Variants in ARMC2 observed in about 807,000 individuals in gnomAD.
The protein encoded by ARMC2 is armadillo repeat containing 2.
A neutral mutation model predicts 90.3 loss-of-function variants in ARMC2; 67 were observed. The ratio of observed to expected loss-of-function variants is 0.74; its 90% CI spans 0.61 to 0.91. The LOEUF is 0.91. Ranked by LOEUF, ARMC2 falls within the 40% of genes least tolerant of loss-of-function variation. The probability of loss-of-function intolerance (pLI) is 0.00; values close to 1 mark genes in which losing one functional copy is unlikely to be tolerated. For missense variants in ARMC2, 920 were observed against 1,030.9 expected (o/e 0.89, Z 1.47); for synonymous variants, 393 against 393.0 (o/e 1.00, Z 0.00).
chr6:109,003,896 TCCC>T, the ARMC2 span, among the ~76,000 whole-genome samples: 1 of 152,216 alleles, frequency 6.6e-6, no homozygotes, highest in Admixed American at 6.5e-5. Context: ...TTAACATTTA[TCCC>T]CTCTAATTTC....
chr6:108,947,656 A>G (rs1466896828), intron 12 of ARMC2, among the ~76,000 whole-genome samples: 1 of 152,172 alleles, frequency 6.6e-6, no homozygotes, highest in Admixed American at 6.5e-5. Flanking sequence ...TGCGAAACTA[A>G]TGACAATATC....
In ARMC2 at chr6:108,953,247, T is replaced by G; in HGVS notation, c.1811T>G (p.Leu604Arg). ...CCGCCGTCAGAGGCAGAGGACGTGC[T>G]CATCAAGCTGACTCGTGTGCTGGCC... ...QRPPSEAEDV[L>R]IKLTRVLANI... The change falls in exon 13 of 18, where the codon CTC becomes CGC. Residue 604 changes from leucine (L) to arginine (R), a missense_variant. Leu to Arg is a moderately radical substitution (Grantham distance 102, BLOSUM62 -2). Coordinates refer to ENST00000392644, the MANE Select transcript of ARMC2 (RefSeq NM_032131.6). The G allele has an allele frequency of 1.9e-6, 3 of 1,613,662 alleles. No individual in the cohort carries two copies. The South Asian group carries it at 3.3e-5, about 18-fold the overall frequency.
the ARMC2 span, chr6:109,002,179 ATGT>A: frequency 2.2e-4 from 223 of 1,018,126 alleles, no homozygotes; most frequent in African/African-American, 3.2e-3. Context: ...TGACTAAAAC[ATGT>A]TGTTGACCAA....
chr6:108,856,993 A>G (rs541116568), intron 2 of ARMC2, among the ~76,000 whole-genome samples: 4 of 152,290 alleles, frequency 2.6e-5, no homozygotes, highest in African/African-American at 7.2e-5. Context: ...TCTTAAAGTC[A>G]GGGAGTGTCA....
chr6:108,871,999 T>A (rs1258511094), intron 4 of ARMC2, among the ~76,000 whole-genome samples: 2 of 152,220 alleles, frequency 1.3e-5, no homozygotes, highest in African/African-American at 4.8e-5. Context: ...ATAAAAAATA[T>A]TTGAGCTCTC....
At chr6:108,946,741 T>A (rs956996675) in intron 12 of ARMC2, among the ~76,000 whole-genome samples, 2 of 152,260 alleles carry the variant, frequency 1.3e-5, no homozygotes, top group African/African-American at 4.8e-5. Context: ...CAAATTTTTC[T>A]AAAATGTGTT....
intron 4 of ARMC2, among the ~76,000 whole-genome samples, chr6:108,869,617 G>T (rs926534663): frequency 1.3e-5 from 2 of 152,154 alleles, no homozygotes; most frequent in African/African-American, 4.8e-5. Flanking sequence ...AATTTTATTA[G>T]AAATTAATGA....
At chr6:108,858,404 T>A in intron 3 of ARMC2, 133 bp downstream of exon 3, 1 of 498,370 alleles carries the variant, frequency 2.0e-6, no homozygotes, top group Non-Finnish European at 3.4e-6. Flanking sequence ...TAATTTAATA[T>A]GAAAACAGAT....
In ARMC2 at chr6:108,953,316, A is replaced by G; in HGVS notation, c.1880A>G (p.Asn627Ser). 6.2e-7 allele frequency: 1 copy of G among 1,608,666 alleles called. No homozygotes were observed. Among genetic ancestry groups the G allele is most frequent in the Non-Finnish European group, 8.5e-7 (1 of 1,179,070 alleles). ...HPGVGPVLAA[N>S]PGIVGLLLTT... ...GGCGTGGGCCCGGTGCTGGCCGCCA[A>G]CCCGGGGATAGTGGGCCTGCTCCTG... Residue 627 changes from asparagine (N) to serine (S), a missense_variant, in exon 13 of 18, where the codon AAC becomes AGC. Transcript: ENST00000392644.
chr6:109,037,384 C>G, the ARMC2 span, among the ~76,000 whole-genome samples: 1 of 152,168 alleles, frequency 6.6e-6, no homozygotes, highest in Non-Finnish European at 1.5e-5. Context: ...AACCATAACA[C>G]TCCACTAATT....
At chr6:108,882,301 T>C (rs1344578400) in intron 5 of ARMC2, among the ~76,000 whole-genome samples, 2 of 151,900 alleles carry the variant, frequency 1.3e-5, no homozygotes, top group African/African-American at 4.8e-5. Flanking sequence ...TAGCTGGGCA[T>C]AGTGACAGGC....
chr6:108,947,974 T>C (rs910246302), intron 12 of ARMC2, among the ~76,000 whole-genome samples: 3 of 152,222 alleles, frequency 2.0e-5, no homozygotes, highest in African/African-American at 7.2e-5. Context: ...TTCTCAGATA[T>C]TGTCTAAGAA....
At chr6:108,857,209 A>G (rs1478309649) in intron 2 of ARMC2, among the ~76,000 whole-genome samples, 1 of 152,134 alleles carries the variant, frequency 6.6e-6, no homozygotes, top group African/African-American at 2.4e-5. Flanking sequence ...AAAATGGACG[A>G]TCTCTTCATT....
intron 5 of ARMC2, among the ~76,000 whole-genome samples, chr6:108,884,830 T>C (rs1036339488): frequency 7.2e-5 from 11 of 152,048 alleles, no homozygotes; most frequent in African/African-American, 2.2e-4. Flanking sequence ...AAGGAAGCCA[T>C]TGGGAAGCTG....
chr6:108,914,634 C>T (rs1466193614), intron 10 of ARMC2, among the ~76,000 whole-genome samples: 4 of 152,192 alleles, frequency 2.6e-5, no homozygotes, highest in African/African-American at 9.7e-5. Context: ...TCAACTGTAT[C>T]ACTGTTTGTG....
chr6:108,954,966 T>C (rs1166914923), intron 13 of ARMC2, among the ~76,000 whole-genome samples: 7 of 152,228 alleles, frequency 4.6e-5, no homozygotes, highest in Non-Finnish European at 4.4e-5. Flanking sequence ...CTCCCCTTCC[T>C]GGCATGTGGT....
chr6:108,945,204 A>G (rs1288210349), intron 12 of ARMC2, among the ~76,000 whole-genome samples: 1 of 152,066 alleles, frequency 6.6e-6, no homozygotes, highest in Non-Finnish European at 1.5e-5. Context: ...TGGGGTTGCT[A>G]TCAGCCTTTG....
chr6:108,895,501 A>AAAAG (rs1554245270), intron 6 of ARMC2, among the ~76,000 whole-genome samples: 3 of 149,542 alleles, frequency 2.0e-5, no homozygotes, highest in African/African-American at 7.5e-5. Flanking sequence ...AAAAAAAAAA[A>AAAAG]GATAATTGCT....
chr6:108,976,153 C>G (rs1352532896), downstream of ARMC2, among the ~76,000 whole-genome samples: 2 of 152,144 alleles, frequency 1.3e-5, no homozygotes, highest in South Asian at 4.1e-4. Flanking sequence ...ACATTTGAGT[C>G]TTTTATCTAC....
Sources: allele counts gnomAD v4.1 joint callset (sites outside exome capture counted in the v4.1 genomes callset), GRCh38; gene constraint gnomAD v4.1.1; transcripts MANE v1.5; gene names NCBI Gene and HGNC (gene_info 2026-07-23, HGNC 2026-07-21).